PLD3: variants seen among roughly 807,000 people sequenced by gnomAD.
PLD3 encodes the protein phospholipase D family member 3, also known as 5'-3' exonuclease PLD3.
A neutral mutation model predicts 58.4 loss-of-function variants in PLD3; 31 were observed. That is an observed-to-expected ratio of 0.53 (90% confidence interval 0.40 to 0.72). The LOEUF is 0.72. Ranked by LOEUF, PLD3 falls within the 30% of genes least tolerant of loss-of-function variation. The probability of loss-of-function intolerance (pLI) is 0.00; values close to 1 mark genes in which losing one functional copy is unlikely to be tolerated. For missense variants in PLD3, 595 were observed against 659.8 expected (o/e 0.90, Z 1.08); for synonymous variants, 264 against 273.4 (o/e 0.97, Z 0.34).
Position 40,366,778 on chromosome 19 carries a change from C to T in PLD3, c.108C>T (p.Ala36=), listed in dbSNP as rs2078934507. Residue 36 remains alanine (A), a synonymous_variant, in exon 5 of 13, where the codon GCC becomes GCT. Coordinates refer to ENST00000409735, the MANE Select transcript of PLD3 (RefSeq NM_012268.4). ...IEAWKAAEKK[A]RWVLLVLILA... ...CCACCTCCTCCTCCCCACAGAAAGC[C>T]CGCTGGGTCCTGCTGGTCCTCATTC... The T allele has an allele frequency of 6.2e-7, 1 of 1,613,934 alleles. No homozygotes were observed. The highest frequency in any genetic ancestry group is 8.5e-7 in the Non-Finnish European group (1 of 1,179,896).
chr19:40,359,413 G>T (rs1176426847), intron 1 of PLD3: 3 of 152,148 alleles, frequency 2.0e-5, no homozygotes, highest in African/African-American at 7.2e-5. Flanking sequence ...ACCTGGATGG[G>T]GCGCGCTGGG....
At chr19:40,363,711 G>A (rs62107635) in intron 1 of PLD3, among the ~76,000 whole-genome samples, 13,717 of 152,066 alleles carry the variant, frequency 0.09, 644 homozygotes, top group Middle Eastern at 0.14. Flanking sequence ...GATTACAGGC[G>A]TGAGCCACCA....
At chr19:40,373,120 C>G (rs2079106247) in intron 9 of PLD3, among the ~76,000 whole-genome samples, 1 of 152,198 alleles carries the variant, frequency 6.6e-6, no homozygotes, top group Non-Finnish European at 1.5e-5. Context: ...AGTTACCTGT[C>G]CAAGCCCAGA....
At position 40,377,971 on chromosome 19, in the gene PLD3, C is replaced by T. The variant is rs760119463; in HGVS notation, c.1286-15C>T. Reference sequence around the variant, plus strand: ...CCCCCGAGGGTGCCCTTATGCTCCACCCATTCCTCTCTAGGAACCTCCAAC... The same window carrying T: ...CCCCCGAGGGTGCCCTTATGCTCCATCCATTCCTCTCTAGGAACCTCCAAC... On this transcript the variant is annotated splice_polypyrimidine_tract_variant and intron_variant, in intron 12 of 12. Transcript: ENST00000409735. 1 of 1,612,574 alleles carries T rather than the reference C, an allele frequency of 6.2e-7. No homozygotes were observed. Among genetic ancestry groups the T allele is most frequent in the African/African-American group, 1.3e-5 (1 of 75,004 alleles).
At chr19:40,377,082 T>C (rs1599631686) in intron 11 of PLD3, among the ~76,000 whole-genome samples, 1 of 74,394 alleles carries the variant, frequency 1.3e-5, no homozygotes, top group Non-Finnish European at 2.7e-5. Flanking sequence ...GGGTCAGGGC[T>C]GGGATGGGGA....
chr19:40,378,150 G>T lies in PLD3; in HGVS notation c.1450G>T (p.Gly484Cys), dbSNP rs752516689. ...CCTTGACACCTCAGCTGACAGCGTG[G>T]GCAACGCCTGCCGCCTGCTCTGAGG... ...HDLDTSADSV[G>C]NACRLL The change falls in exon 13 of 13, where the codon GGC (glycine) becomes TGC (cysteine). Residue 484 changes from glycine (G) to cysteine (C), a missense_variant. Transcript: ENST00000409735. The T allele has an allele frequency of 1.7e-5, 28 of 1,611,294 alleles. No individual in the cohort carries two copies. Among genetic ancestry groups the T allele is most frequent in the Non-Finnish European group, 2.4e-5 (28 of 1,178,524 alleles).
In PLD3 at chr19:40,369,985, C is replaced by A; in HGVS notation, c.507C>A (p.Ser169Arg). The change falls in exon 7 of 13, where the codon AGC becomes AGA. Residue 169 changes from serine (S) to arginine (R), a missense_variant. Physicochemically the swap from Ser to Arg is moderately radical, Grantham distance 110 (BLOSUM62 -1). Transcript: ENST00000409735. ...VNVRIAVSKP[S>R]GPQPQADLQA... ...TCCGCATCGCTGTGAGCAAGCCCAGCGGGCCCCAGCCACAGGCGGACCTGC... is the reference window on the plus strand; with the variant it reads ...TCCGCATCGCTGTGAGCAAGCCCAGAGGGCCCCAGCCACAGGCGGACCTGC... 6.4e-7 allele frequency: 1 copy of A among 1,559,548 alleles called. No homozygotes were observed. The highest frequency in any genetic ancestry group is 1.2e-5 in the South Asian group (1 of 85,068).
At chr19:40,374,216 G>A (rs1442745216) in intron 9 of PLD3, among the ~76,000 whole-genome samples, 1 of 152,114 alleles carries the variant, frequency 6.6e-6, no homozygotes, top group African/African-American at 2.4e-5. Context: ...CACTGGGTTA[G>A]AGCATAAATT....
intron 1 of PLD3, among the ~76,000 whole-genome samples, chr19:40,353,117 A>G (rs1432955721): frequency 6.6e-6 from 1 of 152,136 alleles, no homozygotes; most frequent in Non-Finnish European, 1.5e-5. Context: ...TAGTTCAACC[A>G]TGTACTGCCC....
intron 11 of PLD3, 72 bp downstream of exon 11, chr19:40,376,846 CGTCT>C: frequency 7.1e-7 from 1 of 1,414,034 alleles, no homozygotes; most frequent in South Asian, 1.3e-5. Flanking sequence ...TCATGGGACT[CGTCT>C]GTCAATGACA....
intron 5 of PLD3, chr19:40,367,234 G>A (rs1355561155): frequency 1.8e-5 from 6 of 332,454 alleles, no homozygotes; most frequent in Middle Eastern, 7.7e-4. Flanking sequence ...GTCCAGGCAC[G>A]CATTCAAATA....
At chr19:40,372,355 G>T (rs1358133302) in intron 9 of PLD3, among the ~76,000 whole-genome samples, 1 of 151,770 alleles carries the variant, frequency 6.6e-6, no homozygotes, top group Non-Finnish European at 1.5e-5. Context: ...AAACTAGCTG[G>T]GTTGGGTTGT....
Position 40,374,541 on chromosome 19 carries a change from G to A in PLD3, c.940G>A (p.Val314Met), listed in dbSNP as rs763673552. Residue 314 changes from valine to methionine, a missense_variant, in exon 10 of 13, where the codon GTG (valine) becomes ATG (methionine). By Grantham distance (21) the Val-to-Met change is conservative. Transcript: ENST00000409735. ...TCCAGACCTGAAGGCTCTACTCAAC[G>A]TGGTGGACAATGCCCGGAGTTTCAT... ...RTPDLKALLN[V>M]VDNARSFIYV... 19 of 1,614,150 alleles carry A rather than the reference G, an allele frequency of 1.2e-5. No individual in the cohort carries two copies. In the South Asian group the frequency reaches 1.3e-4, roughly 11 times the overall value.
rs1476279263 is a variant in PLD3 at position 40,378,314 on chromosome 19, T to C, written c.*141T>C. The C allele has an allele frequency of 1.3e-6, 1 of 791,762 alleles. No individual in the cohort carries two copies. The highest frequency in any genetic ancestry group is 2.2e-6 in the Non-Finnish European group (1 of 460,328). 49.0% of individuals were successfully genotyped at this position (791,762 alleles called of 1,614,324 possible). On this transcript the variant is annotated 3_prime_UTR_variant, in exon 13 of 13. Transcript: ENST00000409735. ...GCTCTCTCCCCTGCTCTCCCACCTCTACCTCCACCCCCACCGGCCTGACGC... is the reference window on the plus strand; with the variant it reads ...GCTCTCTCCCCTGCTCTCCCACCTCCACCTCCACCCCCACCGGCCTGACGC...
In PLD3 at chr19:40,366,454, G is replaced by A; in HGVS notation, c.-30G>A. 1.2e-6 allele frequency: 2 copies of A among 1,612,548 alleles called. No individual in the cohort carries two copies. The highest frequency in any genetic ancestry group is 1.7e-6 in the Non-Finnish European group (2 of 1,178,608). ...CTGACACACCCACCTTCTCACCTGG[G>A]CTCTGCGTATCCCCCAGCCTTGAGG... On this transcript the variant is annotated 5_prime_UTR_variant, in exon 3 of 13. Coordinates refer to ENST00000409735, the MANE Select transcript of PLD3 (RefSeq NM_012268.4).
rs191206251 is a variant in PLD3 at position 40,362,235 on chromosome 19, T to C, written c.-278-3483T>C. 2.0e-5 allele frequency among the ~76,000 whole-genome samples: 3 copies of C among 152,320 alleles called. No individual in the cohort carries two copies. The East Asian group carries it at 5.8e-4, about 29-fold the overall frequency. ...GGCAACCAGTAAATGTGTGTAAAAT[T>C]AACGAACAGCAAATGCTATTGTTAC... On this transcript the variant is annotated intron_variant, in intron 1 of 12. Transcript: ENST00000409735.
intron 1 of PLD3, among the ~76,000 whole-genome samples, chr19:40,361,541 A>G (rs942612942): frequency 2.0e-5 from 3 of 152,050 alleles, no homozygotes; most frequent in Non-Finnish European, 2.9e-5. Flanking sequence ...CACCTCTGTG[A>G]CATCTCCTCT....
At chr19:40,377,962 T>G in intron 12 of PLD3, 24 bp from the exon 13 acceptor site, 1 of 1,612,660 alleles carries the variant, frequency 6.2e-7, no homozygotes, top group Non-Finnish European at 8.5e-7. Flanking sequence ...AGGGTGCCCT[T>G]ATGCTCCACC....
Position 40,374,549 on chromosome 19 carries a change from C to T in PLD3, c.948C>T (p.Asp316=). ...PDLKALLNVV[D]NARSFIYVAV... ...TGAAGGCTCTACTCAACGTGGTGGA[C>T]AATGCCCGGAGTTTCATCTACGTCG... The change falls in exon 10 of 13, where the codon GAC becomes GAT. Residue 316 remains aspartate (D), a synonymous_variant. Transcript: ENST00000409735. The T allele has an allele frequency of 6.2e-7, 1 of 1,614,154 alleles. No individual in the cohort carries two copies. Among genetic ancestry groups the T allele is most frequent in the Non-Finnish European group, 8.5e-7 (1 of 1,180,012 alleles).
Sources: gnomAD v4.1 joint callset for allele counts (sites outside exome capture counted in the v4.1 genomes callset) on GRCh38, gnomAD v4.1.1 for gene constraint, MANE v1.5 for transcripts, NCBI Gene and HGNC (gene_info 2026-07-23, HGNC 2026-07-21) for gene names.